Variants in CAST observed in about 807,000 individuals in gnomAD.
CAST encodes calpastatin.
CAST carries 76 observed loss-of-function variants against 119.6 expected under a neutral mutation model. That is an observed-to-expected ratio of 0.64 (90% CI 0.53 to 0.77). The LOEUF is 0.77. Among genes scored for constraint, CAST ranks in the 30% least tolerant of loss-of-function variants. CAST has a pLI of 0.00. For synonymous variants in CAST, 319 were observed against 331.6 expected (o/e 0.96, Z 0.41); for missense variants, 953 against 946.5 (o/e 1.01, Z -0.09).
chr5:96,016,534 C>G, the CAST span, among the ~76,000 whole-genome samples: 1 of 152,326 alleles, frequency 6.6e-6, no homozygotes, highest in African/African-American at 2.4e-5. Context: ...ACACAGGACA[C>G]AGCTCTCTTG....
At chr5:96,024,026 A>C in the CAST span, among the ~76,000 whole-genome samples, 5 of 152,214 alleles carry the variant, frequency 3.3e-5, no homozygotes, top group Admixed American at 1.3e-4. Flanking sequence ...TTGCTAACAA[A>C]AACCACAGTT....
At chr5:96,309,790 C>T in the CAST span, among the ~76,000 whole-genome samples, 1 of 152,250 alleles carries the variant, frequency 6.6e-6, no homozygotes, top group African/African-American at 2.4e-5. Context: ...CACCCACTGT[C>T]CAACCAGTCC....
exon 1 of CAST, chr5:96,529,834 C>G: frequency 2.3e-6 from 1 of 435,694 alleles, no homozygotes; most frequent in Non-Finnish European, 4.6e-6. Context: ...GAGGTGCCTT[C>G]TGCCATGATT....
At chr5:96,741,147 A>G (rs1762580002) in intron 13 of CAST, 119 bp from the exon 14 acceptor site, 1 of 647,808 alleles carries the variant, frequency 1.5e-6, no homozygotes, top group African/African-American at 1.8e-5. Context: ...TTTCATTAAC[A>G]CACCTCATTT....
chr5:96,604,707 T>C (rs1035014821), intron 1 of CAST, among the ~76,000 whole-genome samples: 15 of 152,204 alleles, frequency 9.9e-5, no homozygotes, highest in Admixed American at 9.2e-4. Context: ...AATTTGGGGC[T>C]GATGCAAAAA....
intron 19 of CAST, among the ~76,000 whole-genome samples, chr5:96,749,139 G>A (rs1041768665): frequency 1.3e-5 from 2 of 152,080 alleles, no homozygotes; most frequent in Non-Finnish European, 2.9e-5. Flanking sequence ...TTCTCACTTG[G>A]TTCCTCTGTC....
At chr5:96,554,211 A>G (rs2150182848) in intron 1 of CAST, among the ~76,000 whole-genome samples, 1 of 152,378 alleles carries the variant, frequency 6.6e-6, no homozygotes, top group East Asian at 1.9e-4. Flanking sequence ...ACAGATATAT[A>G]GACCAATGGA....
chr5:96,701,289 A>G (rs1305391589), intron 3 of CAST, among the ~76,000 whole-genome samples: 1 of 152,274 alleles, frequency 6.6e-6, no homozygotes, highest in East Asian at 1.9e-4. Flanking sequence ...ACAGAAATAC[A>G]TTCAGAGATA....
chr5:96,667,140 T>C (rs947928981), intron 1 of CAST, among the ~76,000 whole-genome samples: 12 of 152,172 alleles, frequency 7.9e-5, no homozygotes, highest in Admixed American at 6.5e-4. Context: ...ATGTAAGTTA[T>C]CTCCTCAGAT....
Position 96,773,540 on chromosome 5 carries a change from G to A in CAST, c.*924G>A, listed in dbSNP as rs28096. On this transcript the variant is annotated 3_prime_UTR_variant, in exon 32 of 32. Coordinates refer to ENST00000675179, the MANE Select transcript of CAST (RefSeq NM_001750.7). ...CACATTAGCCTTTGCACTGTATAGC[G>A]TCTGGCTTTATGGAACTTAAGTTTA... 47,202 of 151,902 alleles carry A rather than the reference G, an allele frequency of 0.31. 7,738 individuals are homozygous for A. Among genetic ancestry groups the A allele is most frequent in the Non-Finnish European group, 0.38 (25,596 of 67,894 alleles). The allele number at this position is 151,902 out of a possible 1,614,324, so 9.4% of individuals were successfully genotyped here.
At chr5:96,741,912 C>T (rs1174750308) in intron 15 of CAST, 1 of 213,680 alleles carries the variant, frequency 4.7e-6, no homozygotes, top group African/African-American at 2.3e-5. Flanking sequence ...GGACTTTGAG[C>T]CCTGAGGATC....
intron 1 of CAST, among the ~76,000 whole-genome samples, chr5:96,616,753 TACACACACACACACACACAC>T (rs377159898): frequency 1.5e-5 from 2 of 130,738 alleles, no homozygotes; most frequent in Admixed American, 1.6e-4. Context: ...TCTATATATA[TACACACACACACACACACAC>T]ACACACACAC....
chr5:96,727,449 T>C (rs779353953), intron 5 of CAST, 40 bp from the exon 6 acceptor site: 4 of 1,161,474 alleles, frequency 3.4e-6, no homozygotes, highest in Non-Finnish European at 3.7e-6. Context: ...TATCTTTCTT[T>C]TCTTCCTTCC....
chr5:96,317,911 C>T, the CAST span, among the ~76,000 whole-genome samples: 1 of 152,124 alleles, frequency 6.6e-6, no homozygotes, highest in Non-Finnish European at 1.5e-5. Flanking sequence ...TCCTTCAGAG[C>T]CAATAATGCT....
intron 1 of CAST, among the ~76,000 whole-genome samples, chr5:96,576,523 T>C (rs1372582488): frequency 1.3e-5 from 2 of 152,052 alleles, no homozygotes; most frequent in Non-Finnish European, 2.9e-5. Context: ...TTTTATACTT[T>C]TAGTAGAGAT....
chr5:96,103,305 C>T, the CAST span, among the ~76,000 whole-genome samples: 13 of 150,506 alleles, frequency 8.6e-5, no homozygotes, highest in Non-Finnish European at 1.5e-4. Flanking sequence ...CCCATTAACT[C>T]GTCATCTAGC....
chr5:96,198,824 A>G, the CAST span, among the ~76,000 whole-genome samples: 2 of 152,152 alleles, frequency 1.3e-5, no homozygotes, highest in Non-Finnish European at 2.9e-5. Flanking sequence ...AGGGGTCAGT[A>G]AACTACATTT....
intron 1 of CAST, among the ~76,000 whole-genome samples, chr5:96,642,849 A>G (rs1175824819): frequency 6.6e-6 from 1 of 152,164 alleles, no homozygotes; most frequent in African/African-American, 2.4e-5. Context: ...ACGCCCATCC[A>G]AATACATATA....
chr5:96,560,822 T>G (rs1746343742), intron 1 of CAST, among the ~76,000 whole-genome samples: 1 of 152,156 alleles, frequency 6.6e-6, no homozygotes, highest in South Asian at 2.1e-4. Flanking sequence ...GAACTAGAAA[T>G]ACCATTTGAC....
Sources: allele counts gnomAD v4.1 joint callset (sites outside exome capture counted in the v4.1 genomes callset), GRCh38; gene constraint gnomAD v4.1.1; transcripts MANE v1.5; gene names NCBI Gene and HGNC (gene_info 2026-07-23, HGNC 2026-07-21).